Variants in OPN1LW observed in about 807,000 individuals in gnomAD.
OPN1LW encodes the protein long-wave-sensitive opsin 1.
In OPN1LW, 4 loss-of-function variants were observed where a neutral mutation model predicts 18.1. The ratio of observed to expected loss-of-function variants is 0.22; its 90% CI spans 0.11 to 0.51. OPN1LW has a LOEUF of 0.51. Among genes scored for constraint, OPN1LW ranks in the 20% least tolerant of loss-of-function variants. The pLI is 0.97. For synonymous variants in OPN1LW, 86 were observed against 101.2 expected (o/e 0.85, Z 0.90); for missense variants, 164 against 234.9 (o/e 0.70, Z 1.97).
chrX:154,144,251 C>G lies in OPN1LW; in HGVS notation c.-33C>G. 8.3e-7 allele frequency: 1 copy of G among 1,209,845 alleles called. No homozygotes were observed. Among genetic ancestry groups the G allele is most frequent in the Non-Finnish European group, 1.1e-6 (1 of 895,091 alleles). ...TGACCCTCAGGTGATGCGCCAGGGC[C>G]GGCTGCCGTCGGGGACAGGGCTTTC... On this transcript the variant is annotated 5_prime_UTR_variant, in exon 1 of 6. Transcript: ENST00000369951.
intron 1 of OPN1LW, 80 bp downstream of exon 1, chrX:154,144,475 C>T (rs1401389021): frequency 1.4e-6 from 1 of 693,303 alleles, no homozygotes; most frequent in Non-Finnish European, 2.1e-6. Flanking sequence ...AAGGGAATCT[C>T]TCTTCTGCAC....
chrX:154,148,107 G>A (rs1488601960), intron 1 of OPN1LW, among the ~76,000 whole-genome samples: 2 of 98,615 alleles, frequency 2.0e-5, no homozygotes, highest in African/African-American at 4.7e-5. Flanking sequence ...TGCACGGCTT[G>A]TAGTCCCAGA....
Position 154,156,392 on chromosome X carries a change from G to A in OPN1LW, c.843G>A (p.Trp281Ter). The change falls in exon 5 of 6, where the codon TGG becomes TGA. Residue 281 changes from tryptophan (W) to a stop codon, truncating the protein, a stop_gained. Transcript: ENST00000369951. LOFTEE classifies it high-confidence loss of function. ...TGATCTTTGCGTACTGCGTCTGCTG[G>A]GGACCCTACACCTTCTTCGCATGCT... ...VVMIFAYCVC[W>*]GPYTFFACFA... is the part of the protein sequence containing the mutation. 1 of 1,204,960 alleles carries A rather than the reference G, an allele frequency of 8.3e-7. No individual in the cohort carries two copies.
At chrX:154,149,662 G>A (rs2067068670) in intron 1 of OPN1LW, among the ~76,000 whole-genome samples, 1 of 69,784 alleles carries the variant, frequency 1.4e-5, no homozygotes, top group Admixed American at 1.6e-4. Flanking sequence ...AGCGTGGTGG[G>A]CTCTGGCGAG....
intron 5 of OPN1LW, 134 bp downstream of exon 5, chrX:154,156,667 G>T: frequency 9.4e-7 from 1 of 1,068,983 alleles, no homozygotes; most frequent in Non-Finnish European, 1.3e-6. Context: ...GGAAATGACC[G>T]GGAAAGGCTC....
Position 154,150,703 on chromosome X carries a change from C to T in OPN1LW, c.160C>T (p.His54Tyr), listed in dbSNP as rs782783558. The change falls in exon 2 of 6, where the codon CAC (histidine) becomes TAC (tyrosine). Residue 54 changes from histidine to tyrosine, a missense_variant. By Grantham distance (83) the His-to-Tyr change is moderately conservative. Coordinates refer to ENST00000369951, the MANE Select transcript of OPN1LW (RefSeq NM_020061.6). ...CCACATCGCTCCCAGATGGGTGTAC[C>T]ACCTCACCAGTGTCTGGATGATCTT... ...NYHIAPRWVY[H>Y]LTSVWMIFVV... The T allele has an allele frequency of 2.1e-5, 25 of 1,201,199 alleles. 1 individual carries two copies. The East Asian group carries it at 6.8e-4, about 33-fold the overall frequency.
rs1402171055 is a variant in OPN1LW, at chrX:154,148,378, G to A, written c.113-2278G>A. On this transcript the variant is annotated intron_variant, in intron 1 of 5. Coordinates refer to ENST00000369951, the MANE Select transcript of OPN1LW (RefSeq NM_020061.6). ...CCTCCTGGGTTCAAGTGATTCTCCC[G>A]CCTCAGCCTCCTGAGTAGCTGGGAC... Among the ~76,000 whole-genome samples the A allele has an allele frequency of 2.5e-4, 26 of 103,264 alleles. 4 individuals carry two copies. The highest frequency in any genetic ancestry group is 1.1e-3 in the African/African-American group (25 of 23,766). 89.7% of individuals were successfully genotyped at this position (103,264 alleles called of 115,157 possible). A position where few individuals can be genotyped will look rare whatever the true frequency, so the allele number is the denominator to read the frequency against.
In OPN1LW at chrX:154,156,381, T is replaced by G; in HGVS notation, c.832T>G (p.Cys278Gly). 3.3e-6 allele frequency: 4 copies of G among 1,205,158 alleles called. No homozygotes were observed. Among genetic ancestry groups the G allele is most frequent in the South Asian group, 1.8e-5 (1 of 56,490 alleles). ...RMVVVMIFAY[C>G]VCWGPYTFFA... is the part of the protein sequence containing the mutation. ...GGTGGTGGTGATGATCTTTGCGTAC[T>G]GCGTCTGCTGGGGACCCTACACCTT... The change falls in exon 5 of 6, where the codon TGC becomes GGC. Residue 278 changes from cysteine (C) to glycine (G), a missense_variant. Around this residue, in one of 3 missense-constraint regions of OPN1LW, gnomAD observed 53 missense variants for 50.2 expected, o/e 1.06. Transcript: ENST00000369951.
chrX:154,155,966 C>T (rs1201298700), intron 4 of OPN1LW, among the ~76,000 whole-genome samples: 1 of 3,993 alleles, frequency 2.5e-4, no homozygotes, highest in African/African-American at 1.0e-3. Context: ...TCATTCTCCA[C>T]GCCCAGTCAT....
At chrX:154,149,063 G>T (rs1281492026) in intron 1 of OPN1LW, among the ~76,000 whole-genome samples, 2 of 103,646 alleles carry the variant, frequency 1.9e-5, no homozygotes, top group Non-Finnish European at 3.8e-5. Context: ...AAATTAGCCA[G>T]GCGTGGTGGC....
intron 1 of OPN1LW, among the ~76,000 whole-genome samples, chrX:154,149,476 G>A (rs1484397065): frequency 2.1e-5 from 2 of 97,004 alleles, no homozygotes; most frequent in African/African-American, 9.4e-5. Flanking sequence ...AGGTTGCAGT[G>A]ACCCGAGATC....
Position 154,149,372 on chromosome X carries a change from A to G in OPN1LW, c.113-1284A>G, listed in dbSNP as rs185763212. 1.7e-3 allele frequency among the ~76,000 whole-genome samples: 173 copies of G among 100,859 alleles called. 1 individual carries two copies. The highest frequency in any genetic ancestry group is 7.1e-3 in the African/African-American group (161 of 22,684). 87.6% of individuals were successfully genotyped at this position (100,859 alleles called of 115,157 possible). On this transcript the variant is annotated intron_variant, in intron 1 of 5. Coordinates refer to ENST00000369951, the MANE Select transcript of OPN1LW (RefSeq NM_020061.6). Reference sequence around the variant, plus strand: ...GTGAAACCCCATGTCTACTAAAAGCACAAAAATTAGCTGGGTGTGGTGGTG... The same window carrying G: ...GTGAAACCCCATGTCTACTAAAAGCGCAAAAATTAGCTGGGTGTGGTGGTG...
At chrX:154,148,258 T>G (rs1430724109) in intron 1 of OPN1LW, among the ~76,000 whole-genome samples, 9 of 102,189 alleles carry the variant, frequency 8.8e-5, no homozygotes, top group East Asian at 2.9e-4. Context: ...CTATTTGGTG[T>G]TGTTGTTGTT....
At position 154,144,411 on chromosome X, in the gene OPN1LW, C is replaced by T. The variant is rs372949568; in HGVS notation, c.112+16C>T. ...TCCACCAGAGGTGAGCCAGCAGGCC[C>T]GTGGAGGCTGGGTGGCTGCACTGGG... On this transcript the variant is annotated intron_variant, in intron 1 of 5. Coordinates refer to ENST00000369951, the MANE Select transcript of OPN1LW (RefSeq NM_020061.6). The T allele has an allele frequency of 4.7e-4, 525 of 1,118,608 alleles. 1 individual carries two copies. Among genetic ancestry groups the T allele is most frequent in the South Asian group, 1.1e-3 (58 of 52,330 alleles). 92.2% of individuals were successfully genotyped at this position (1,118,608 alleles called of 1,213,427 possible).
rs376303721 is a variant in OPN1LW, at chrX:154,156,561, T to G, written c.984+28T>G. ...AAGCAACACCATCAGCAGATCCCAC[T>G]CAAAATACCGTGTGCCCTAGAAGGG... is the stretch of plus-strand genomic sequence containing the variant. On this transcript the variant is annotated intron_variant, in intron 5 of 5. Coordinates refer to ENST00000369951, the MANE Select transcript of OPN1LW (RefSeq NM_020061.6). The G allele has an allele frequency of 2.1e-4, 244 of 1,189,672 alleles. No homozygotes were observed. The African/African-American group carries it at 4.2e-3, about 20-fold the overall frequency.
intron 1 of OPN1LW, 131 bp downstream of exon 1, chrX:154,144,526 G>C: frequency 2.3e-6 from 1 of 436,932 alleles, no homozygotes; most frequent in Non-Finnish European, 3.6e-6. Flanking sequence ...TAGCTTTTCT[G>C]ATGACATGAA....
rs368246376 is a variant in OPN1LW, at chrX:154,148,998, G to A, written c.113-1658G>A. 5.8e-5 allele frequency among the ~76,000 whole-genome samples: 6 copies of A among 103,682 alleles called. No individual in the cohort carries two copies. The East Asian group carries it at 1.4e-3, about 25-fold the overall frequency. The allele number at this position is 103,682 out of a possible 115,157, so 90.0% of individuals were successfully genotyped here. On this transcript the variant is annotated intron_variant, in intron 1 of 5. Coordinates refer to ENST00000369951, the MANE Select transcript of OPN1LW (RefSeq NM_020061.6). Reference sequence around the variant, plus strand: ...AGGCAGGCGGATCACGAGGTCAGGAGATTGAGATCATCCTAGCTAACATGG... The same window carrying A: ...AGGCAGGCGGATCACGAGGTCAGGAAATTGAGATCATCCTAGCTAACATGG...
rs1557156900 is a variant in OPN1LW, at chrX:154,144,320, C to T, written c.37C>T (p.Arg13Cys). The change falls in exon 1 of 6, where the codon CGC becomes TGC. Residue 13 changes from arginine to cysteine, a missense_variant. Physicochemically the swap from Arg to Cys is radical, Grantham distance 180 (BLOSUM62 -3). This residue lies in a region of OPN1LW where 106 missense variants were observed against 167.7 expected (regional missense o/e 0.63). Transcript: ENST00000369951. ...QQWSLQRLAG[R>C]HPQDSYEDST... ...GTGGAGCCTCCAAAGGCTCGCAGGCCGCCATCCGCAGGACAGCTATGAGGA... is the reference window on the plus strand; with the variant it reads ...GTGGAGCCTCCAAAGGCTCGCAGGCTGCCATCCGCAGGACAGCTATGAGGA... 2.5e-6 allele frequency: 3 copies of T among 1,196,707 alleles called. No individual in the cohort carries two copies. Among genetic ancestry groups the T allele is most frequent in the African/African-American group, 1.8e-5 (1 of 55,232 alleles).
At chrX:154,148,896 T>C (rs1294886126) in intron 1 of OPN1LW, among the ~76,000 whole-genome samples, 1 of 105,530 alleles carries the variant, frequency 9.5e-6, no homozygotes, top group Admixed American at 9.6e-5. Context: ...GTCTCAGTAC[T>C]GGCTGCTATA....
Sources: gnomAD v4.1 joint callset for allele counts (sites outside exome capture counted in the v4.1 genomes callset) on GRCh38, gnomAD v4.1.1 for gene constraint, gnomAD v4.1.1 regional missense constraint, MANE v1.5 for transcripts, NCBI Gene and HGNC (gene_info 2026-07-23, HGNC 2026-07-21) for gene names.